The following HMCN1 variants were observed in gnomAD, a reference collection of about 807,000 sequenced individuals.
HMCN1 encodes hemicentin 1.
Under a neutral mutation model 625.9 loss-of-function variants are expected in HMCN1, and 321 were observed. The ratio of observed to expected loss-of-function variants is 0.51; its 90% CI spans 0.47 to 0.56. The LOEUF is 0.56. Among genes scored for constraint, HMCN1 ranks in the 20% least tolerant of loss-of-function variants. HMCN1 has a pLI of 0.00. For synonymous variants in HMCN1, 2,425 were observed against 2,417.6 expected, an observed-to-expected ratio of 1.00 and a Z score of -0.09; for missense variants, 6,588 against 6,887.3, an observed-to-expected ratio of 0.96 and a Z score of 1.54.
intron 1 of HMCN1, among the ~76,000 whole-genome samples, chr1:185,759,200 T>C (rs779335525): frequency 2.0e-5 from 3 of 152,206 alleles, no homozygotes; most frequent in African/African-American, 4.8e-5. Context: ...CTTCTTGCCA[T>C]ATGAACACAT....
chr1:185,746,959 T>C (rs1654448957), intron 1 of HMCN1, among the ~76,000 whole-genome samples: 1 of 152,170 alleles, frequency 6.6e-6, no homozygotes, highest in African/African-American at 2.4e-5. Context: ...CGGCCCACGA[T>C]ACTCCAATGT....
intron 25 of HMCN1, 21 bp from the exon 26 acceptor site, chr1:186,000,024 A>T (rs1275354379): frequency 1.3e-6 from 2 of 1,553,100 alleles, no homozygotes; most frequent in Non-Finnish European, 1.8e-6. Context: ...AAATATCACA[A>T]GACTTTAATT....
intron 1 of HMCN1, among the ~76,000 whole-genome samples, chr1:185,752,676 CA>C (rs1557942091): frequency 6.6e-6 from 1 of 151,808 alleles, no homozygotes; most frequent in Non-Finnish European, 1.5e-5. Context: ...TTCTCCCTTT[CA>C]AAAAAAGGTC....
intron 1 of HMCN1, among the ~76,000 whole-genome samples, chr1:185,774,914 G>A (rs1338897289): frequency 1.3e-5 from 2 of 152,144 alleles, no homozygotes; most frequent in African/African-American, 2.4e-5. Context: ...AAGCTTAGGG[G>A]TGGGCAAACA....
chr1:185,980,930 AAT>A, intron 16 of HMCN1, 46 bp from the exon 17 acceptor site: 1 of 1,113,052 alleles, frequency 9.0e-7, no homozygotes, highest in Non-Finnish European at 1.4e-6. Flanking sequence ...GCACATAGTT[AAT>A]TCTCCATAGA....
chr1:186,145,325 CT>C, intron 91 of HMCN1, 77 bp from the exon 92 acceptor site: 1 of 1,396,318 alleles, frequency 7.2e-7, no homozygotes, highest in Non-Finnish European at 9.7e-7. Context: ...TTTTTTAATA[CT>C]TTTTGGATGA....
intron 1 of HMCN1, among the ~76,000 whole-genome samples, chr1:185,794,842 T>G (rs929708047): frequency 6.6e-6 from 1 of 152,120 alleles, no homozygotes; most frequent in Non-Finnish European, 1.5e-5. Context: ...CTTGTGATAA[T>G]ATTCCCAAAA....
rs773808585 is a variant in HMCN1 at position 186,001,652 on chromosome 1, G to A, written c.4259G>A (p.Arg1420Lys). ...VNNGKILKLF[R>K]ATPEDAGRYS... ...AATGGGAAGATACTGAAGCTCTTCA[G>A]AGCCACTCCAGAGGATGCAGGAAGA... The change falls in exon 28 of 107, where the codon AGA (arginine) becomes AAA (lysine). Residue 1420 changes from arginine to lysine, a missense_variant. Around this residue, in one of 3 missense-constraint regions of HMCN1, gnomAD observed 4,628 missense variants for 4,853.1 expected, o/e 0.95. Coordinates refer to ENST00000271588, the MANE Select transcript of HMCN1 (RefSeq NM_031935.3). 1.2e-6 allele frequency: 2 copies of A among 1,612,966 alleles called. No homozygotes were observed. The highest frequency in any genetic ancestry group is 2.7e-5 in the African/African-American group (2 of 74,856).
chr1:185,976,120 G>A (rs1651194966), intron 15 of HMCN1, among the ~76,000 whole-genome samples: 1 of 152,190 alleles, frequency 6.6e-6, no homozygotes, highest in Non-Finnish European at 1.5e-5. Context: ...GAATGGTAGA[G>A]AGTGAGTTTT....
intron 52 of HMCN1, among the ~76,000 whole-genome samples, 173 bp from the exon 53 acceptor site, chr1:186,074,568 A>G (rs1445216274): frequency 6.6e-6 from 1 of 152,186 alleles, no homozygotes; most frequent in Non-Finnish European, 1.5e-5. Context: ...TTAGTCAAAA[A>G]CAATGAGTTT....
Position 186,069,727 on chromosome 1 carries a change from C to T in HMCN1, c.7944C>T (p.Ala2648=). 1 of 1,613,566 alleles carries T rather than the reference C, an allele frequency of 6.2e-7. No homozygotes were observed. Among genetic ancestry groups the T allele is most frequent in the Non-Finnish European group, 8.5e-7 (1 of 1,179,774 alleles). The part of the protein sequence containing the change: ...EDNAGRYSCV[A]TNEAGEMIKH... ...ATGCTGGAAGATACTCTTGTGTAGC[C>T]ACGAATGAGGCTGGAGAAATGATAA... is the stretch of plus-strand genomic sequence containing the variant. Residue 2648 remains alanine, a synonymous_variant, in exon 51 of 107, where the codon GCC becomes GCT. Coordinates refer to ENST00000271588, the MANE Select transcript of HMCN1 (RefSeq NM_031935.3).
In HMCN1 at chr1:186,111,645, TAAG is replaced by T. The variant is rs571335559; in HGVS notation, c.10990-1164_10990-1162del. ...GGTGACAGAATAAGAATCTGTCTCT[TAAG>T]AAAAAAAGAATCACTCTGAAAGTTT... is the stretch of plus-strand genomic sequence containing the variant. On this transcript the variant is annotated intron_variant, in intron 71 of 106. Transcript: ENST00000271588. Among the ~76,000 whole-genome samples the T allele has an allele frequency of 9.9e-5, 15 of 152,080 alleles. No individual in the cohort carries two copies. The South Asian group carries it at 3.1e-3, about 32-fold the overall frequency.
In HMCN1 at chr1:186,038,951, G is replaced by A. The variant is rs558576428; in HGVS notation, c.5974G>A (p.Val1992Met). Residue 1992 changes from valine (V) to methionine (M), a missense_variant, in exon 38 of 107, where the codon GTG (valine) becomes ATG (methionine). Val to Met is a conservative substitution (Grantham distance 21). Coordinates refer to ENST00000271588, the MANE Select transcript of HMCN1 (RefSeq NM_031935.3). ...QISDAGIYKC[V>M]AINSAGATEL... ...CTCAGATGCTGGCATATATAAATGCGTGGCCATCAACTCAGCTGGAGCTAC... is the reference window on the plus strand; with the variant it reads ...CTCAGATGCTGGCATATATAAATGCATGGCCATCAACTCAGCTGGAGCTAC... 70 of 1,612,572 alleles carry A rather than the reference G, an allele frequency of 4.3e-5. No homozygotes were observed. The highest frequency in any genetic ancestry group is 4.0e-4 in the East Asian group (18 of 44,812).
rs139885485 is a variant in HMCN1, at chr1:185,777,298, A to G, written c.268+42251A>G. ...GAACATTTTATCTTCTTATACCTCT[A>G]TAAGGTATCATTCAATACATTCAAT... On this transcript the variant is annotated intron_variant, in intron 1 of 106. Transcript: ENST00000271588. Among the ~76,000 whole-genome samples, 48 of 152,288 alleles carry G rather than the reference A, an allele frequency of 3.2e-4. No individual in the cohort carries two copies. In the East Asian group the frequency reaches 6.0e-3, roughly 19 times the overall value.
At chr1:186,175,450 CATA>C (rs1652500740) in intron 103 of HMCN1, among the ~76,000 whole-genome samples, 1 of 152,136 alleles carries the variant, frequency 6.6e-6, no homozygotes, top group South Asian at 2.1e-4. Flanking sequence ...CAATCCCTAG[CATA>C]ATATTTTGTA....
At chr1:185,914,692 G>A (rs570238562) in intron 6 of HMCN1, among the ~76,000 whole-genome samples, 93 of 151,558 alleles carry the variant, frequency 6.1e-4, no homozygotes, top group Admixed American at 1.9e-3. Flanking sequence ...CAGCTCAAAT[G>A]ACAAAACTTT....
intron 35 of HMCN1, among the ~76,000 whole-genome samples, chr1:186,022,256 A>G (rs1571730550): frequency 1.3e-5 from 2 of 152,124 alleles, no homozygotes; most frequent in Admixed American, 6.6e-5. Flanking sequence ...TCAGACAGCT[A>G]TGTTCCTTGG....
At chr1:185,750,443 G>C (rs1296919171) in intron 1 of HMCN1, among the ~76,000 whole-genome samples, 1 of 152,050 alleles carries the variant, frequency 6.6e-6, no homozygotes, top group Non-Finnish European at 1.5e-5. Flanking sequence ...TTATGGTTTT[G>C]TTAATTTCTC....
intron 97 of HMCN1, among the ~76,000 whole-genome samples, chr1:186,160,589 TG>T: frequency 6.6e-6 from 1 of 152,208 alleles, no homozygotes; most frequent in Admixed American, 6.5e-5. Context: ...CACACTGCTT[TG>T]TATGTGTCCC....
Sources: allele counts gnomAD v4.1 joint callset (sites outside exome capture counted in the v4.1 genomes callset), GRCh38; gene constraint gnomAD v4.1.1; regional missense constraint gnomAD v4.1.1; transcripts MANE v1.5; gene names NCBI Gene and HGNC (gene_info 2026-07-23, HGNC 2026-07-21).